Variants in CATSPERB observed in about 807,000 individuals in gnomAD.
CATSPERB encodes catsper channel auxiliary subunit beta, also known as cation channel sperm-associated auxiliary subunit beta.
In CATSPERB, 93 loss-of-function variants were observed where a neutral mutation model predicts 128.3. The observed-to-expected ratio is 0.72, with a 90% CI of 0.61 to 0.86. The LOEUF is 0.86. CATSPERB is among the 40% of genes least tolerant of loss of function. The pLI is 0.00. For synonymous variants in CATSPERB, 381 were observed against 448.8 expected, an observed-to-expected ratio of 0.85 and a Z score of 1.91; for missense variants, 1,153 against 1,329.5, an observed-to-expected ratio of 0.87 and a Z score of 2.06.
chr14:91,664,513 G>T (rs192090208), intron 14 of CATSPERB, among the ~76,000 whole-genome samples: 1 of 151,964 alleles, frequency 6.6e-6, no homozygotes, highest in East Asian at 1.9e-4. Context: ...TGATCCACCC[G>T]CCTCGGCCTC....
At chr14:91,695,278 C>T (rs896982224) in intron 7 of CATSPERB, among the ~76,000 whole-genome samples, 2 of 152,000 alleles carry the variant, frequency 1.3e-5, no homozygotes, top group African/African-American at 4.8e-5. Flanking sequence ...TACAGGTGTG[C>T]ACCACCATGT....
chr14:91,608,529 A>C, intron 21 of CATSPERB, 125 bp from the exon 22 acceptor site: 1 of 630,140 alleles, frequency 1.6e-6, no homozygotes, highest in South Asian at 1.9e-5. Flanking sequence ...TATTAAAGTA[A>C]ATTTATCTCC....
intron 15 of CATSPERB, among the ~76,000 whole-genome samples, chr14:91,647,704 C>G (rs530901803): frequency 6.6e-6 from 1 of 152,180 alleles, no homozygotes; most frequent in Admixed American, 6.5e-5. Context: ...ATCACCAGAA[C>G]AGCACGGGAA....
chr14:91,666,772 G>A (rs1436601584), intron 14 of CATSPERB, among the ~76,000 whole-genome samples: 2 of 152,144 alleles, frequency 1.3e-5, no homozygotes, highest in African/African-American at 2.4e-5. Flanking sequence ...GATACCAGGC[G>A]CTACTCCTTG....
At chr14:91,611,470 C>T (rs755064445) in intron 20 of CATSPERB, among the ~76,000 whole-genome samples, 6 of 152,036 alleles carry the variant, frequency 3.9e-5, no homozygotes, top group African/African-American at 7.2e-5. Flanking sequence ...ATCAGCCAGA[C>T]GTGGTGGCAT....
intron 2 of CATSPERB, among the ~76,000 whole-genome samples, chr14:91,727,258 C>T (rs1206123286): frequency 6.6e-6 from 1 of 152,148 alleles, no homozygotes; most frequent in African/African-American, 2.4e-5. Context: ...TGATCCATTT[C>T]TCCTGTCCCT....
rs1895557819 is a variant in CATSPERB, at chr14:91,696,148, TCATCAGCCTGAAGATGGCATTACTGC to T, written c.617-2695_617-2670del. Among the ~76,000 whole-genome samples, 3 of 152,286 alleles carry T rather than the reference TCATCAGCCTGAAGATGGCATTACTGC, an allele frequency of 2.0e-5. No individual in the cohort carries two copies. In the South Asian group the frequency reaches 6.2e-4, roughly 32 times the overall value. ...AGCAGCAGCAATATAGATTTGGGAA[TCATCAGCCTGAAGATGGCATTACTGC>T]CATCAGACTGGATTAAGTCTTCTGG... On this transcript the variant is annotated intron_variant, in intron 7 of 26. Coordinates refer to ENST00000256343, the MANE Select transcript of CATSPERB (RefSeq NM_024764.4).
intron 4 of CATSPERB, among the ~76,000 whole-genome samples, chr14:91,720,189 T>C (rs940177327): frequency 6.6e-6 from 1 of 151,932 alleles, no homozygotes; most frequent in Non-Finnish European, 1.5e-5. Context: ...AATAACATAT[T>C]ACATACAGGA....
intron 11 of CATSPERB, among the ~76,000 whole-genome samples, chr14:91,675,162 G>A (rs1448275134): frequency 1.3e-5 from 2 of 152,214 alleles, no homozygotes; most frequent in African/African-American, 4.8e-5. Context: ...TGCAACGAGT[G>A]GGGCAATTGG....
intron 17 of CATSPERB, 141 bp downstream of exon 17, chr14:91,636,284 G>T: frequency 1.4e-6 from 1 of 712,964 alleles, no homozygotes; most frequent in Non-Finnish European, 2.4e-6. Context: ...CATTGCTTGA[G>T]CCTGGGAGAT....
chr14:91,665,960 A>C (rs1894977208), intron 14 of CATSPERB, among the ~76,000 whole-genome samples: 1 of 152,180 alleles, frequency 6.6e-6, no homozygotes, highest in East Asian at 1.9e-4. Context: ...GGTGTTGAGG[A>C]AGGAACCAGG....
intron 5 of CATSPERB, among the ~76,000 whole-genome samples, chr14:91,716,366 G>A (rs1283488181): frequency 6.6e-6 from 1 of 152,100 alleles, no homozygotes; most frequent in Non-Finnish European, 1.5e-5. Flanking sequence ...TGAGGCCAGT[G>A]GATCACCTGA....
chr14:91,634,195 C>T (rs61988742), intron 17 of CATSPERB, among the ~76,000 whole-genome samples: 27,985 of 151,724 alleles, frequency 0.18, 2,694 homozygotes, highest in East Asian at 0.36. Flanking sequence ...AAGTAAGCTA[C>T]GGGAAAAAAT....
At chr14:91,628,766 A>C (rs530823709) in intron 17 of CATSPERB, among the ~76,000 whole-genome samples, 1 of 152,292 alleles carries the variant, frequency 6.6e-6, no homozygotes, top group South Asian at 2.1e-4. Flanking sequence ...TCTTTATAGC[A>C]GTGTGAAAAC....
rs138934773 is a variant in CATSPERB at position 91,702,040 on chromosome 14, G to A, written c.616+2512C>T. Among the ~76,000 whole-genome samples, 107 of 152,276 alleles carry A rather than the reference G, an allele frequency of 7.0e-4. 1 individual carries two copies. Among genetic ancestry groups the A allele is most frequent in the African/African-American group, 2.5e-3 (105 of 41,560 alleles). ...TTCACCTAAAGAACCTGTTGCTGAAGTTGTTTGTTTTCTTGAGAGGTTGAG... is the reference window on the plus strand; with the variant it reads ...TTCACCTAAAGAACCTGTTGCTGAAATTGTTTGTTTTCTTGAGAGGTTGAG... On this transcript the variant is annotated intron_variant, in intron 7 of 26. Coordinates refer to ENST00000256343, the MANE Select transcript of CATSPERB (RefSeq NM_024764.4).
chr14:91,707,327 A>G (rs1036471292), intron 6 of CATSPERB, among the ~76,000 whole-genome samples: 8 of 152,196 alleles, frequency 5.3e-5, no homozygotes, highest in Non-Finnish European at 5.9e-5. Flanking sequence ...AGCATTTCAG[A>G]TCTTTTAAAA....
intron 11 of CATSPERB, among the ~76,000 whole-genome samples, chr14:91,676,628 G>A (rs1407096411): frequency 6.6e-6 from 1 of 151,704 alleles, no homozygotes; most frequent in East Asian, 1.9e-4. Context: ...AACATTGGAA[G>A]CTCATTTGGA....
At chr14:91,611,421 C>A (rs1486891783) in intron 20 of CATSPERB, among the ~76,000 whole-genome samples, 1 of 151,996 alleles carries the variant, frequency 6.6e-6, no homozygotes, top group Non-Finnish European at 1.5e-5. Flanking sequence ...ACCAGCCTGG[C>A]CAACATGGTG....
intron 18 of CATSPERB, 43 bp downstream of exon 18, chr14:91,624,776 AT>A: frequency 1.4e-6 from 2 of 1,385,674 alleles, no homozygotes; most frequent in South Asian, 1.6e-5. Context: ...ATAATTTTTC[AT>A]TTTTTTCTAG....
Sources: gnomAD v4.1 joint callset for allele counts (sites outside exome capture counted in the v4.1 genomes callset) on GRCh38, gnomAD v4.1.1 for gene constraint, MANE v1.5 for transcripts, NCBI Gene and HGNC (gene_info 2026-07-23, HGNC 2026-07-21) for gene names.